ATRNL1: variants seen among roughly 807,000 people sequenced by gnomAD.
ATRNL1 encodes the protein attractin-like protein 1.
ATRNL1 carries 95 observed loss-of-function variants against 182.7 expected under a neutral mutation model. The ratio of observed to expected loss-of-function variants is 0.52; its 90% CI spans 0.44 to 0.62. The LOEUF is 0.62. Ranked by LOEUF, ATRNL1 falls within the 20% of genes least tolerant of loss-of-function variation. The probability of loss-of-function intolerance (pLI) is 0.00; values close to 1 mark genes in which losing one functional copy is unlikely to be tolerated. For synonymous variants in ATRNL1, 576 were observed against 568.3 expected, an observed-to-expected ratio of 1.01 and a Z score of -0.19; for missense variants, 1,471 against 1,679.5, an observed-to-expected ratio of 0.88 and a Z score of 2.17.
At chr10:115,536,599 G>A (rs913492608) in intron 25 of ATRNL1, among the ~76,000 whole-genome samples, 51 of 152,114 alleles carry the variant, frequency 3.4e-4, no homozygotes, top group African/African-American at 1.1e-3. Flanking sequence ...TTCGGCTCTC[G>A]CACGGTGCGC....
chr10:115,801,773 T>C (rs782588885), intron 27 of ATRNL1, among the ~76,000 whole-genome samples: 74 of 152,252 alleles, frequency 4.9e-4, no homozygotes, highest in Non-Finnish European at 9.9e-4. Flanking sequence ...AAATAGCAAA[T>C]GATTTTCTTG....
chr10:115,271,568 C>T (rs533990373), intron 13 of ATRNL1, among the ~76,000 whole-genome samples: 6 of 152,234 alleles, frequency 3.9e-5, no homozygotes, highest in Admixed American at 1.3e-4. Flanking sequence ...CAAATGCACA[C>T]GTATGTTTAT....
intron 14 of ATRNL1, 137 bp from the exon 15 acceptor site, chr10:115,286,079 T>G (rs1430782533): frequency 3.8e-6 from 2 of 531,186 alleles, no homozygotes; most frequent in Admixed American, 3.7e-5. Context: ...TTAGAAAAAT[T>G]TATTTGAAAT....
intron 10 of ATRNL1, among the ~76,000 whole-genome samples, chr10:115,256,948 G>A (rs555108584): frequency 1.1e-4 from 17 of 152,318 alleles, no homozygotes; most frequent in African/African-American, 3.1e-4. Context: ...TTTTGAGTGA[G>A]TTTCTTAATC....
intron 5 of ATRNL1, among the ~76,000 whole-genome samples, chr10:115,138,359 C>T (rs1390151668): frequency 1.3e-5 from 2 of 152,230 alleles, no homozygotes; most frequent in Non-Finnish European, 2.9e-5. Flanking sequence ...GGGGTCCAAC[C>T]CTACGTTTCC....
chr10:115,336,509 G>A (rs781804130), intron 19 of ATRNL1, among the ~76,000 whole-genome samples: 1 of 152,136 alleles, frequency 6.6e-6, no homozygotes, highest in South Asian at 2.1e-4. Context: ...TAGGTTATGT[G>A]TGTTAATGTA....
At chr10:115,455,232 A>T (rs1847464459) in intron 21 of ATRNL1, among the ~76,000 whole-genome samples, 1 of 152,140 alleles carries the variant, frequency 6.6e-6, no homozygotes, top group South Asian at 2.1e-4. Flanking sequence ...TATCTCAGAG[A>T]TAAAGCCTAC....
chr10:115,184,567 A>C (rs1485615556), intron 8 of ATRNL1, among the ~76,000 whole-genome samples: 2 of 151,748 alleles, frequency 1.3e-5, no homozygotes, highest in Non-Finnish European at 3.0e-5. Flanking sequence ...CCAGAAAACA[A>C]GTATGTTGGT....
At chr10:115,195,719 A>G (rs933735660) in intron 8 of ATRNL1, among the ~76,000 whole-genome samples, 1 of 152,084 alleles carries the variant, frequency 6.6e-6, no homozygotes, top group African/African-American at 2.4e-5. Context: ...TTCTAGCTCA[A>G]TCTTTATTTC....
chr10:115,425,379 T>G (rs940205956), intron 20 of ATRNL1, among the ~76,000 whole-genome samples: 1 of 152,016 alleles, frequency 6.6e-6, no homozygotes, highest in Admixed American at 6.5e-5. Context: ...ATTTAAATAT[T>G]AAGTCACTTT....
Position 115,426,220 on chromosome 10 carries a change from A to G in ATRNL1, c.3270-30A>G, listed in dbSNP as rs782265921. ...ATGAGGCTTTTGAATTGCATTGTTTAATAGTAAATGAGTTTTTGTGTTTCT... is the reference window on the plus strand; with the variant it reads ...ATGAGGCTTTTGAATTGCATTGTTTGATAGTAAATGAGTTTTTGTGTTTCT... On this transcript the variant is annotated intron_variant, in intron 20 of 28. Coordinates refer to ENST00000355044, the MANE Select transcript of ATRNL1 (RefSeq NM_207303.4). The G allele has an allele frequency of 1.1e-5, 17 of 1,596,678 alleles. No homozygotes were observed. In the Admixed American group the frequency reaches 2.8e-4, roughly 27 times the overall value.
At chr10:115,578,222 G>A (rs1010712282) in intron 26 of ATRNL1, among the ~76,000 whole-genome samples, 4 of 151,686 alleles carry the variant, frequency 2.6e-5, no homozygotes, top group Admixed American at 2.0e-4. Context: ...TTCTTTTCTC[G>A]TGATGTCTCT....
chr10:115,305,474 A>G (rs1387501703), intron 17 of ATRNL1, among the ~76,000 whole-genome samples: 1 of 152,088 alleles, frequency 6.6e-6, no homozygotes, highest in African/African-American at 2.4e-5. Flanking sequence ...TACCTGATCA[A>G]GTGGGTGGCA....
At position 115,803,651 on chromosome 10, in the gene ATRNL1, C is replaced by T. The variant is rs114581368; in HGVS notation, c.3904-44226C>T. Among the ~76,000 whole-genome samples, 739 of 150,398 alleles carry T rather than the reference C, an allele frequency of 4.9e-3. 10 individuals are homozygous for T. Among genetic ancestry groups the T allele is most frequent in the African/African-American group, 0.017 (701 of 41,044 alleles). On this transcript the variant is annotated intron_variant, in intron 27 of 28. Transcript: ENST00000355044. Reference sequence around the variant, plus strand: ...GGGCTTTTTATATATCTTTTTGATTCGGTACATTCCTTACTACAGAATGAA... The same window carrying T: ...GGGCTTTTTATATATCTTTTTGATTTGGTACATTCCTTACTACAGAATGAA...
chr10:115,293,718 GC>G (rs1423966431), intron 15 of ATRNL1, among the ~76,000 whole-genome samples: 1 of 152,142 alleles, frequency 6.6e-6, no homozygotes, highest in Non-Finnish European at 1.5e-5. Context: ...CTGAAGGATA[GC>G]TTTTCTGGGT....
At position 115,492,389 on chromosome 10, in the gene ATRNL1, T is replaced by G. The variant is rs373590249; in HGVS notation, c.3654+23060T>G. Among the ~76,000 whole-genome samples the G allele has an allele frequency of 2.6e-4, 40 of 152,168 alleles. 1 individual carries two copies. The South Asian group carries it at 8.1e-3, about 31-fold the overall frequency. ...CTTACATTGCTAATGTTTTGAAAAA[T>G]TAGAGTTTGATTTAATTAGGTCTCT... On this transcript the variant is annotated intron_variant, in intron 24 of 28. Transcript: ENST00000355044.
intron 27 of ATRNL1, among the ~76,000 whole-genome samples, chr10:115,818,802 G>A (rs1422822319): frequency 6.6e-6 from 1 of 152,012 alleles, no homozygotes; most frequent in Non-Finnish European, 1.5e-5. Context: ...CCTTCACTAA[G>A]TCATTCAAAA....
At chr10:115,844,477 T>C (rs144232166) in intron 27 of ATRNL1, among the ~76,000 whole-genome samples, 15 of 152,102 alleles carry the variant, frequency 9.9e-5, no homozygotes, top group Admixed American at 9.8e-4. Context: ...GAACTATACC[T>C]TGAAAATCTT....
intron 27 of ATRNL1, among the ~76,000 whole-genome samples, chr10:115,791,369 A>G (rs567335628): frequency 2.8e-4 from 42 of 152,302 alleles, no homozygotes; most frequent in African/African-American, 9.9e-4. Flanking sequence ...TGTACAAAAT[A>G]CATATGCACA....
Sources: allele counts gnomAD v4.1 joint callset (sites outside exome capture counted in the v4.1 genomes callset), GRCh38; gene constraint gnomAD v4.1.1; transcripts MANE v1.5; gene names NCBI Gene and HGNC (gene_info 2026-07-23, HGNC 2026-07-21).